The following CCDC91 variants were observed in gnomAD, a reference collection of about 807,000 sequenced individuals.
CCDC91 encodes the protein coiled-coil domain-containing protein 91.
In CCDC91, 48 loss-of-function variants were observed where a neutral mutation model predicts 63.2. The ratio of observed to expected loss-of-function variants is 0.76; its 90% CI spans 0.60 to 0.97. The LOEUF (loss-of-function observed/expected upper bound fraction) is 0.97, where lower values mean the gene tolerates loss of function less well. CCDC91 is among the 50% of genes least tolerant of loss of function. The pLI, the probability that CCDC91 is intolerant of heterozygous loss-of-function variation, is 0.00. For synonymous variants in CCDC91, 167 were observed against 165.8 expected, an observed-to-expected ratio of 1.01 and a Z score of -0.06; for missense variants, 500 against 494.6, an observed-to-expected ratio of 1.01 and a Z score of -0.10.
chr12:28,539,529 G>A (rs1331964002), intron 12 of CCDC91, among the ~76,000 whole-genome samples: 2 of 152,168 alleles, frequency 1.3e-5, no homozygotes, highest in Non-Finnish European at 2.9e-5. Context: ...ATAGTTTGAA[G>A]TCAGGTAGCA....
chr12:28,236,118 T>G (rs1944930505), intron 1 of CCDC91: 1 of 152,128 alleles, frequency 6.6e-6, no homozygotes, highest in Non-Finnish European at 1.5e-5. Context: ...TGTTAGATGC[T>G]GAGAATAGAT....
chr12:28,417,004 A>G (rs1947704268), intron 8 of CCDC91, among the ~76,000 whole-genome samples: 1 of 152,012 alleles, frequency 6.6e-6, no homozygotes, highest in South Asian at 2.1e-4. Context: ...GTGTATGTAT[A>G]TGGATCTCTT....
chr12:28,449,088 C>G (rs1243175774), intron 8 of CCDC91, among the ~76,000 whole-genome samples: 1 of 151,986 alleles, frequency 6.6e-6, no homozygotes, highest in Non-Finnish European at 1.5e-5. Flanking sequence ...AGGAAAAACA[C>G]ATCTTTCATG....
At chr12:28,488,246 C>T (rs919082440) in intron 12 of CCDC91, among the ~76,000 whole-genome samples, 3 of 151,672 alleles carry the variant, frequency 2.0e-5, no homozygotes, top group African/African-American at 7.3e-5. Context: ...ACCTAGTATT[C>T]GTCTGGTCTA....
chr12:28,549,155 AC>A lies in CCDC91; in HGVS notation c.1310del (p.Pro437GlnfsTer28). On this transcript the variant is annotated frameshift_variant, in exon 13 of 13. Coordinates refer to ENST00000536442, the MANE Select transcript of CCDC91 (RefSeq NM_018318.5). LOFTEE classifies it high-confidence loss of function. Reference protein sequence around the residue: ...KQLSALIATEPVDIE With the variant: ...KQLSALIATEXVDIE ...AGTTAAGTGCTTTAATAGCTACGGA[AC>A]CAGTTGACATTGAATAAAAAGAACA... is the stretch of plus-strand genomic sequence containing the variant. 6.2e-7 allele frequency: 1 copy of A among 1,605,666 alleles called. No individual in the cohort carries two copies. The highest frequency in any genetic ancestry group is 1.1e-5 in the South Asian group (1 of 90,840).
intron 1 of CCDC91, among the ~76,000 whole-genome samples, chr12:28,246,390 T>C (rs1945737582): frequency 6.6e-6 from 1 of 152,186 alleles, no homozygotes; most frequent in Admixed American, 6.5e-5. Flanking sequence ...TCTCTATTAT[T>C]TGTTGTATAG....
intron 3 of CCDC91, among the ~76,000 whole-genome samples, chr12:28,288,528 C>G (rs1452510782): frequency 9.2e-5 from 14 of 152,238 alleles, no homozygotes; most frequent in African/African-American, 3.4e-4. Context: ...TTGAACCAAC[C>G]TTGCATCCCA....
chr12:28,411,923 C>T (rs991986858), intron 8 of CCDC91, among the ~76,000 whole-genome samples: 9 of 152,154 alleles, frequency 5.9e-5, no homozygotes, highest in African/African-American at 1.7e-4. Context: ...GGATCCACTC[C>T]GATAACCCAG....
chr12:28,337,083 G>A (rs1316599468), intron 6 of CCDC91, among the ~76,000 whole-genome samples: 1 of 152,032 alleles, frequency 6.6e-6, no homozygotes, highest in Non-Finnish European at 1.5e-5. Flanking sequence ...TAAAGCCTCA[G>A]TATCAAGTAG....
intron 11 of CCDC91, among the ~76,000 whole-genome samples, chr12:28,481,249 C>T (rs943162709): frequency 6.6e-6 from 1 of 151,864 alleles, no homozygotes; most frequent in Non-Finnish European, 1.5e-5. Context: ...CCAAACTATT[C>T]ACCTTAGGAT....
intron 12 of CCDC91, among the ~76,000 whole-genome samples, chr12:28,508,107 T>G (rs1938955101): frequency 1.3e-5 from 2 of 151,918 alleles, no homozygotes; most frequent in African/African-American, 4.8e-5. Context: ...AATTAGTACA[T>G]TAGTCCTGAA....
At chr12:28,454,053 G>A (rs1949944565) in intron 11 of CCDC91, among the ~76,000 whole-genome samples, 1 of 152,126 alleles carries the variant, frequency 6.6e-6, no homozygotes, top group Non-Finnish European at 1.5e-5. Context: ...TCAGAATATG[G>A]TGAAGACAAT....
At chr12:28,315,521 C>T (rs1005244808) in intron 6 of CCDC91, among the ~76,000 whole-genome samples, 2 of 151,854 alleles carry the variant, frequency 1.3e-5, no homozygotes, top group African/African-American at 4.8e-5. Flanking sequence ...GAAAATTTTG[C>T]TTTATACAGT....
intron 1 of CCDC91, among the ~76,000 whole-genome samples, chr12:28,209,289 T>G (rs1380055573): frequency 2.6e-5 from 4 of 152,224 alleles, no homozygotes; most frequent in African/African-American, 9.7e-5. Flanking sequence ...ACAATTTTTG[T>G]GAAAGAGAAG....
At chr12:28,519,382 C>T (rs548035459) in intron 12 of CCDC91, among the ~76,000 whole-genome samples, 1 of 151,868 alleles carries the variant, frequency 6.6e-6, no homozygotes, top group East Asian at 1.9e-4. Flanking sequence ...ACTTGGTGTA[C>T]AGAAGAGCTA....
At chr12:28,495,436 C>A (rs1299480421) in intron 12 of CCDC91, among the ~76,000 whole-genome samples, 1 of 151,622 alleles carries the variant, frequency 6.6e-6, no homozygotes, top group African/African-American at 2.4e-5. Flanking sequence ...CAGGTCAGAG[C>A]ATTCTGATTA....
intron 1 of CCDC91, among the ~76,000 whole-genome samples, chr12:28,245,650 CA>C (rs1000505635): frequency 6.6e-6 from 1 of 151,930 alleles, no homozygotes. Context: ...ACAACACAGT[CA>C]AAAAATAAAG....
At chr12:28,425,968 C>T (rs1420463892) in intron 8 of CCDC91, among the ~76,000 whole-genome samples, 6 of 152,160 alleles carry the variant, frequency 3.9e-5, no homozygotes, top group Non-Finnish European at 8.8e-5. Context: ...TATCATATAT[C>T]GTGTTGCTGT....
chr12:28,199,756 T>G (rs1442894427), intron 1 of CCDC91, among the ~76,000 whole-genome samples: 3 of 152,368 alleles, frequency 2.0e-5, no homozygotes, highest in Middle Eastern at 6.8e-3. Flanking sequence ...GGAATTTGAA[T>G]GTATCTTTCC....
Sources: allele counts gnomAD v4.1 joint callset (sites outside exome capture counted in the v4.1 genomes callset), GRCh38; gene constraint gnomAD v4.1.1; transcripts MANE v1.5; gene names NCBI Gene and HGNC (gene_info 2026-07-23, HGNC 2026-07-21).